The following PTPRD variants were observed in gnomAD, a reference collection of about 807,000 sequenced individuals.
The protein encoded by PTPRD is receptor-type tyrosine-protein phosphatase delta.
PTPRD carries 34 observed loss-of-function variants against 214.5 expected under a neutral mutation model. The observed-to-expected ratio is 0.16, with a 90% confidence interval of 0.12 to 0.21. PTPRD has a LOEUF of 0.21. Among genes scored for constraint, PTPRD ranks in the 10% least tolerant of loss-of-function variants. The pLI is 1.00. For missense variants in PTPRD, 2,545 were observed against 2,398.7 expected, an observed-to-expected ratio of 1.06 and a Z score of -1.27; for synonymous variants, 1,128 against 845.7, an observed-to-expected ratio of 1.33 and a Z score of -5.79.
intron 2 of PTPRD, among the ~76,000 whole-genome samples, chr9:10,512,709 T>A (rs1304358329): frequency 6.6e-6 from 1 of 152,016 alleles, no homozygotes; most frequent in Non-Finnish European, 1.5e-5. Context: ...AGTACAGGAC[T>A]TTGGTGAGGT....
intron 11 of PTPRD, among the ~76,000 whole-genome samples, chr9:8,941,791 CTTG>C (rs1424501019): frequency 2.0e-5 from 3 of 150,570 alleles, no homozygotes; most frequent in Non-Finnish European, 3.0e-5. Context: ...TAATAAAGGT[CTTG>C]TTTGTTTGTT....
At chr9:8,762,705 C>T (rs10815933) in intron 11 of PTPRD, among the ~76,000 whole-genome samples, 103,884 of 151,938 alleles carry the variant, frequency 0.68, 35,611 homozygotes, top group Middle Eastern at 0.76. Flanking sequence ...ACCCTTGAAA[C>T]TAAAAGCACT....
At chr9:8,747,648 A>AGGACCT (rs1248332921) in intron 11 of PTPRD, among the ~76,000 whole-genome samples, 2 of 152,328 alleles carry the variant, frequency 1.3e-5, no homozygotes, top group East Asian at 3.9e-4. Context: ...AATAGAATGA[A>AGGACCT]GGACCTCACG....
intron 5 of PTPRD, among the ~76,000 whole-genome samples, chr9:9,888,542 T>C (rs542439613): frequency 1.2e-4 from 19 of 152,222 alleles, no homozygotes; most frequent in African/African-American, 4.6e-4. Flanking sequence ...GATCTAGCTC[T>C]ATGAACGAGC....
intron 5 of PTPRD, among the ~76,000 whole-genome samples, chr9:9,816,345 A>G (rs1407463987): frequency 6.6e-6 from 1 of 152,088 alleles, no homozygotes; most frequent in Non-Finnish European, 1.5e-5. Flanking sequence ...AAAACAAACA[A>G]AAATCATCTT....
At chr9:8,595,569 T>C (rs1210176465) in intron 14 of PTPRD, among the ~76,000 whole-genome samples, 1 of 152,274 alleles carries the variant, frequency 6.6e-6, no homozygotes, top group East Asian at 1.9e-4. Context: ...AACAAACCAA[T>C]GTCTGGGAAA....
chr9:9,085,398 T>C lies in PTPRD; in HGVS notation c.-142-66663A>G, dbSNP rs1161146123. ...AAAATCTACAGCATGCAAATTCTTC[T>C]TTCAAGATGCGAATAGTGCATATGT... On this transcript the variant is annotated intron_variant, in intron 10 of 45. Coordinates refer to ENST00000381196, the MANE Select transcript of PTPRD (RefSeq NM_002839.4). 2.0e-5 allele frequency among the ~76,000 whole-genome samples: 3 copies of C among 152,334 alleles called. No homozygotes were observed. In the East Asian group the frequency reaches 5.8e-4, roughly 29 times the overall value.
chr9:9,195,292 G>A (rs1017340291), intron 9 of PTPRD, among the ~76,000 whole-genome samples: 3 of 152,020 alleles, frequency 2.0e-5, no homozygotes, highest in East Asian at 3.9e-4. Context: ...ACAACATTTA[G>A]TTGAAAACAT....
chr9:9,910,916 G>C (rs72692732), intron 5 of PTPRD, among the ~76,000 whole-genome samples: 5 of 151,942 alleles, frequency 3.3e-5, no homozygotes, highest in Non-Finnish European at 7.4e-5. Flanking sequence ...TTATGGGCTC[G>C]AGTAGCGTAG....
intron 9 of PTPRD, among the ~76,000 whole-genome samples, chr9:9,334,686 C>T (rs1464747625): frequency 6.6e-6 from 1 of 151,844 alleles, no homozygotes; most frequent in Non-Finnish European, 1.5e-5. Context: ...AGAGATTATT[C>T]AAATCACTGA....
intron 3 of PTPRD, among the ~76,000 whole-genome samples, chr9:10,249,805 A>G (rs181054209): frequency 6.6e-6 from 1 of 152,296 alleles, no homozygotes; most frequent in East Asian, 1.9e-4. Flanking sequence ...TATGAATTCA[A>G]GTACATTTAG....
At chr9:9,453,530 T>A (rs2092559016) in intron 8 of PTPRD, among the ~76,000 whole-genome samples, 1 of 151,578 alleles carries the variant, frequency 6.6e-6, no homozygotes, top group African/African-American at 2.4e-5. Flanking sequence ...CCTTATTAAA[T>A]TACAGTCTAA....
At chr9:8,632,183 G>C (rs925394045) in intron 14 of PTPRD, among the ~76,000 whole-genome samples, 1 of 149,954 alleles carries the variant, frequency 6.7e-6, no homozygotes, top group Admixed American at 6.8e-5. Flanking sequence ...AAAACCACCA[G>C]GTAAATTTGA....
chr9:9,905,608 T>G (rs1366950033), intron 5 of PTPRD, among the ~76,000 whole-genome samples: 1 of 151,128 alleles, frequency 6.6e-6, no homozygotes, highest in Non-Finnish European at 1.5e-5. Context: ...GTCCCTATTC[T>G]CAGAAATTTT....
chr9:9,811,798 C>T (rs1286770007), intron 5 of PTPRD, among the ~76,000 whole-genome samples: 3 of 152,166 alleles, frequency 2.0e-5, no homozygotes, highest in African/African-American at 7.2e-5. Flanking sequence ...AATATTAGAA[C>T]ATTACATAAA....
intron 2 of PTPRD, among the ~76,000 whole-genome samples, chr9:10,528,746 G>C (rs1216241734): frequency 6.6e-6 from 1 of 152,122 alleles, no homozygotes; most frequent in African/African-American, 2.4e-5. Flanking sequence ...GAAGGCAGTT[G>C]AGATTTAACT....
chr9:9,408,365 G>A (rs958138380), intron 8 of PTPRD, among the ~76,000 whole-genome samples: 1 of 151,722 alleles, frequency 6.6e-6, no homozygotes, highest in African/African-American at 2.4e-5. Flanking sequence ...AGCACGACAA[G>A]CATTTTTTCC....
At chr9:8,436,151 C>G (rs976703313) in intron 35 of PTPRD, among the ~76,000 whole-genome samples, 2 of 152,060 alleles carry the variant, frequency 1.3e-5, no homozygotes, top group African/African-American at 4.8e-5. Flanking sequence ...CCAAAGAAGT[C>G]AAACTCATAG....
At chr9:10,277,233 TAAAACATAAACATA>T (rs1279901431) in intron 3 of PTPRD, among the ~76,000 whole-genome samples, 2 of 139,608 alleles carry the variant, frequency 1.4e-5, no homozygotes, top group Non-Finnish European at 3.3e-5. Context: ...AACATAAACA[TAAAACATAAACATA>T]AAAAAAAAAC....
Sources: gnomAD v4.1 joint callset for allele counts (sites outside exome capture counted in the v4.1 genomes callset) on GRCh38, gnomAD v4.1.1 for gene constraint, MANE v1.5 for transcripts, NCBI Gene and HGNC (gene_info 2026-07-23, HGNC 2026-07-21) for gene names.